The following ABCC4 variants were observed in gnomAD, a reference collection of about 807,000 sequenced individuals.
ABCC4 encodes the protein ATP-binding cassette sub-family C member 4.
A neutral mutation model predicts 168.5 loss-of-function variants in ABCC4; 102 were observed. That is an observed-to-expected ratio of 0.61 (90% CI 0.52 to 0.71). The LOEUF (loss-of-function observed/expected upper bound fraction) is 0.71. ABCC4 is among the 30% of genes least tolerant of loss of function. The pLI is 0.00. For synonymous variants in ABCC4, 617 were observed against 590.7 expected, an observed-to-expected ratio of 1.04 and a Z score of -0.65; for missense variants, 1,402 against 1,605.8, an observed-to-expected ratio of 0.87 and a Z score of 2.17.
chr13:95,116,896 C>T (rs1207824850), intron 19 of ABCC4, among the ~76,000 whole-genome samples: 1 of 152,190 alleles, frequency 6.6e-6, no homozygotes, highest in East Asian at 1.9e-4. Context: ...CTTCCGGAAG[C>T]CCTGCTTACA....
At chr13:95,257,213 C>T (rs934136788) in intron 1 of ABCC4, among the ~76,000 whole-genome samples, 2 of 152,142 alleles carry the variant, frequency 1.3e-5, no homozygotes, top group African/African-American at 4.8e-5. Flanking sequence ...GAAAGGAAAC[C>T]GCCATTAAGA....
intron 9 of ABCC4, among the ~76,000 whole-genome samples, chr13:95,189,989 T>A (rs1211415981): frequency 6.6e-6 from 1 of 152,122 alleles, no homozygotes; most frequent in Non-Finnish European, 1.5e-5. Flanking sequence ...AGTATATGCA[T>A]GTTTTTACAT....
intron 20 of ABCC4, among the ~76,000 whole-genome samples, chr13:95,098,478 T>C (rs931217208): frequency 2.0e-5 from 3 of 152,026 alleles, no homozygotes; most frequent in African/African-American, 7.2e-5. Context: ...AAATTATCAG[T>C]GTCGGGAATA....
chr13:95,278,976 GA>G (rs4148425), intron 1 of ABCC4, among the ~76,000 whole-genome samples: 7 of 148,286 alleles, frequency 4.7e-5, no homozygotes, highest in African/African-American at 1.7e-4. Flanking sequence ...TTCCTTCCAG[GA>G]AAAAAAAAGA....
At chr13:95,292,410 A>G (rs2041425358) in intron 1 of ABCC4, among the ~76,000 whole-genome samples, 1 of 152,144 alleles carries the variant, frequency 6.6e-6, no homozygotes, top group African/African-American at 2.4e-5. Flanking sequence ...TTTGAATACT[A>G]TGAGGCGAGC....
intron 20 of ABCC4, among the ~76,000 whole-genome samples, chr13:95,098,134 T>TAAAAAAA (rs66704412): frequency 8.8e-6 from 1 of 114,116 alleles, no homozygotes; most frequent in Non-Finnish European, 1.8e-5. Flanking sequence ...AGATACTGTC[T>TAAAAAAA]AAAAAAAAAA....
At chr13:95,259,637 G>GT (rs983662510) in intron 1 of ABCC4, among the ~76,000 whole-genome samples, 1 of 152,170 alleles carries the variant, frequency 6.6e-6, no homozygotes, top group African/African-American at 2.4e-5. Flanking sequence ...CCGCACTAAA[G>GT]TTTTTTACAG....
chr13:95,159,093 TTATATATATATATATA>T (rs554884258), intron 19 of ABCC4, among the ~76,000 whole-genome samples: 34 of 61,028 alleles, frequency 5.6e-4, no homozygotes, highest in East Asian at 8.1e-4. Context: ...TAAATAAATT[TTATATATATATATATA>T]TATATATATA....
At chr13:95,185,433 A>C (rs2038026663) in intron 11 of ABCC4, among the ~76,000 whole-genome samples, 1 of 152,232 alleles carries the variant, frequency 6.6e-6, no homozygotes, top group African/African-American at 2.4e-5. Context: ...CAGCCCATTA[A>C]ACAAGCAATG....
chr13:95,232,077 G>C (rs902017700), intron 4 of ABCC4, among the ~76,000 whole-genome samples: 2 of 151,722 alleles, frequency 1.3e-5, no homozygotes, highest in Non-Finnish European at 2.9e-5. Flanking sequence ...TGGTAGAAGA[G>C]AGTACAGGAG....
intron 14 of ABCC4, among the ~76,000 whole-genome samples, chr13:95,169,252 G>A (rs1014031970): frequency 2.0e-5 from 3 of 152,166 alleles, no homozygotes; most frequent in African/African-American, 7.2e-5. Context: ...CTTTGTTCTG[G>A]CAGCCCTAGG....
chr13:95,139,550 G>T (rs866840124), intron 19 of ABCC4, among the ~76,000 whole-genome samples: 5 of 152,120 alleles, frequency 3.3e-5, no homozygotes, highest in South Asian at 2.1e-4. Context: ...ATGCCCAATG[G>T]GGCCGTGAGT....
intron 8 of ABCC4, among the ~76,000 whole-genome samples, chr13:95,204,895 C>T (rs1455638422): frequency 1.3e-5 from 2 of 152,192 alleles, no homozygotes; most frequent in African/African-American, 4.8e-5. Context: ...CCACGGTACA[C>T]ACACCAACAC....
chr13:95,110,333 A>C (rs2035161749), intron 20 of ABCC4, among the ~76,000 whole-genome samples: 1 of 151,144 alleles, frequency 6.6e-6, no homozygotes, highest in Non-Finnish European at 1.5e-5. Flanking sequence ...AAAATGAGAT[A>C]TATTGAAAAG....
At chr13:95,256,587 C>A (rs997257881) in intron 1 of ABCC4, among the ~76,000 whole-genome samples, 1 of 152,064 alleles carries the variant, frequency 6.6e-6, no homozygotes, top group African/African-American at 2.4e-5. Context: ...AAAACCCTGT[C>A]TCGACAAAAA....
At chr13:95,267,262 G>T (rs1175885432) in intron 1 of ABCC4, among the ~76,000 whole-genome samples, 1 of 151,860 alleles carries the variant, frequency 6.6e-6, no homozygotes, top group Non-Finnish European at 1.5e-5. Context: ...CTGAATCATG[G>T]AGGCAGTTCT....
intron 21 of ABCC4, among the ~76,000 whole-genome samples, chr13:95,077,930 G>A (rs889390080): frequency 6.6e-6 from 1 of 152,122 alleles, no homozygotes; most frequent in Non-Finnish European, 1.5e-5. Flanking sequence ...AAGTGAAGGA[G>A]GAGGCCGCCA....
chr13:95,291,433 T>C (rs1333929257), intron 1 of ABCC4, among the ~76,000 whole-genome samples: 2 of 151,634 alleles, frequency 1.3e-5, no homozygotes, highest in African/African-American at 4.8e-5. Flanking sequence ...CAGACCTCCA[T>C]ATGACACGAC....
At chr13:95,088,248 G>A (rs773128738) in intron 20 of ABCC4, among the ~76,000 whole-genome samples, 19 of 152,124 alleles carry the variant, frequency 1.2e-4, no homozygotes, top group East Asian at 3.9e-4. Flanking sequence ...GCTGAAGTCC[G>A]TCTATATGCT....
Sources: allele counts gnomAD v4.1 joint callset (sites outside exome capture counted in the v4.1 genomes callset), GRCh38; gene constraint gnomAD v4.1.1; transcripts MANE v1.5; gene names NCBI Gene and HGNC (gene_info 2026-07-23, HGNC 2026-07-21).